Variants in SDK1 observed in about 807,000 individuals in gnomAD.
SDK1 encodes the protein protein sidekick-1.
In SDK1, 157 loss-of-function variants were observed where a neutral mutation model predicts 245.5. That is an observed-to-expected ratio of 0.64 (90% CI 0.56 to 0.73). The LOEUF (loss-of-function observed/expected upper bound fraction) is 0.73. SDK1 is among the 30% of genes least tolerant of loss of function. The probability of loss-of-function intolerance (pLI) is 0.00; values close to 1 mark genes in which losing one functional copy is unlikely to be tolerated. For missense variants in SDK1, 3,583 were observed against 3,002.3 expected, an observed-to-expected ratio of 1.19 and a Z score of -4.52; for synonymous variants, 1,647 against 1,278.5, an observed-to-expected ratio of 1.29 and a Z score of -6.15.
chr7:3,962,828 C>T lies in SDK1; in HGVS notation c.1406C>T (p.Thr469Ile). 1 of 1,612,882 alleles carries T rather than the reference C, an allele frequency of 6.2e-7. No individual in the cohort carries two copies. The highest frequency in any genetic ancestry group is 1.1e-5 in the South Asian group (1 of 90,952). ...FASNEGGEIQ[T>I]HTYLDVTNIA... Reference sequence around the variant, plus strand: ...AGCAATGAAGGAGGGGAGATCCAGACCCACACCTACCTGGATGTAACCAGT... The same window carrying T: ...AGCAATGAAGGAGGGGAGATCCAGATCCACACCTACCTGGATGTAACCAGT... The change falls in exon 9 of 45, where the codon ACC (threonine) becomes ATC (isoleucine). Residue 469 changes from threonine to isoleucine, a missense_variant. By Grantham distance (89) the Thr-to-Ile change is moderately conservative. Coordinates refer to ENST00000404826, the MANE Select transcript of SDK1 (RefSeq NM_152744.4).
At chr7:4,186,363 C>G (rs1782895218) in intron 35 of SDK1, among the ~76,000 whole-genome samples, 1 of 152,190 alleles carries the variant, frequency 6.6e-6, no homozygotes, top group Non-Finnish European at 1.5e-5. Flanking sequence ...ACCCCGGCTG[C>G]TGGGACCCCT....
intron 1 of SDK1, among the ~76,000 whole-genome samples, chr7:3,596,196 A>G (rs1219086144): frequency 6.6e-6 from 1 of 152,188 alleles, no homozygotes; most frequent in Admixed American, 6.5e-5. Context: ...TTCCAGGGGT[A>G]GTAACAGAAG....
chr7:3,464,304 G>A (rs1481755301), intron 1 of SDK1, among the ~76,000 whole-genome samples: 1 of 152,122 alleles, frequency 6.6e-6, no homozygotes, highest in Non-Finnish European at 1.5e-5. Context: ...CGGGAACATT[G>A]CTTGAGGCCG....
At chr7:4,123,260 G>A (rs1016632442) in intron 25 of SDK1, among the ~76,000 whole-genome samples, 17 of 152,128 alleles carry the variant, frequency 1.1e-4, no homozygotes, top group African/African-American at 3.4e-4. Context: ...TGGTACCAAC[G>A]TCTTGGGCAT....
At chr7:4,035,989 G>A (rs7791029) in intron 17 of SDK1, among the ~76,000 whole-genome samples, 47,617 of 152,032 alleles carry the variant, frequency 0.31, 11,675 homozygotes, top group African/African-American at 0.69. Flanking sequence ...AAACTTCCAA[G>A]TCAAAAATCT....
rs961355998 is a variant in SDK1 at position 4,127,458 on chromosome 7, C to A, written c.3901C>A (p.Pro1301Thr). 1 of 1,613,974 alleles carries A rather than the reference C, an allele frequency of 6.2e-7. No homozygotes were observed. Among genetic ancestry groups the A allele is most frequent in the Non-Finnish European group, 8.5e-7 (1 of 1,179,966 alleles). ...GATTTTACTGACATGGACATCCGTG[C>A]CGGAACAGGACCAGAATGGGCTCAT... ...TQILLTWTSV[P>T]EQDQNGLILG... is the part of the protein sequence containing the mutation. The change falls in exon 26 of 45, where the codon CCG (proline) becomes ACG (threonine). Residue 1301 changes from proline (P) to threonine (T), a missense_variant. Pro to Thr is a conservative substitution (Grantham distance 38). Coordinates refer to ENST00000404826, the MANE Select transcript of SDK1 (RefSeq NM_152744.4).
intron 41 of SDK1, among the ~76,000 whole-genome samples, chr7:4,237,092 A>G (rs553418101): frequency 2.0e-5 from 3 of 151,932 alleles, no homozygotes; most frequent in Admixed American, 6.5e-5. Context: ...GGGTCTTGCT[A>G]TGTTGCCCAG....
intron 4 of SDK1, among the ~76,000 whole-genome samples, chr7:3,676,389 A>C (rs1186747487): frequency 6.9e-6 from 1 of 143,946 alleles, no homozygotes; most frequent in South Asian, 2.2e-4. Context: ...GCAGTGGCGC[A>C]GTCTCAGCTC....
At chr7:3,367,059 G>C (rs1052172761) in intron 1 of SDK1, among the ~76,000 whole-genome samples, 1 of 152,156 alleles carries the variant, frequency 6.6e-6, no homozygotes. Context: ...TATTTCTAAA[G>C]AGGAAGGAAG....
In SDK1 at chr7:4,051,775, C is replaced by G. The variant is rs752230612; in HGVS notation, c.2856C>G (p.Thr952=). The G allele has an allele frequency of 6.2e-7, 1 of 1,613,916 alleles. No individual in the cohort carries two copies. The highest frequency in any genetic ancestry group is 2.2e-5 in the East Asian group (1 of 44,860). ...TAYFTSVLCF[T]TPGDGPPSTP... is the part of the protein sequence containing the mutation. ...ACTTCACTTCCGTTCTGTGCTTCAC[C>G]ACCCCTGGGGACGGGCCTCCCAGCA... The change falls in exon 19 of 45, where the codon ACC becomes ACG. Residue 952 remains threonine, a synonymous_variant. Coordinates refer to ENST00000404826, the MANE Select transcript of SDK1 (RefSeq NM_152744.4).
At chr7:3,580,968 CAAAAAA>C (rs60617574) in intron 1 of SDK1, among the ~76,000 whole-genome samples, 494 of 24,848 alleles carry the variant, frequency 0.02, 2 homozygotes, top group Middle Eastern at 0.05. Flanking sequence ...GACTCCATCT[CAAAAAA>C]AAAAAAAAAA....
chr7:3,624,401 G>T (rs774263116), intron 2 of SDK1, among the ~76,000 whole-genome samples: 26 of 152,074 alleles, frequency 1.7e-4, no homozygotes, highest in Non-Finnish European at 3.5e-4. Flanking sequence ...GTTGCACTGT[G>T]TTGCCTAGGC....
At chr7:3,779,223 T>C (rs1317749220) in intron 4 of SDK1, among the ~76,000 whole-genome samples, 1 of 152,202 alleles carries the variant, frequency 6.6e-6, no homozygotes, top group African/African-American at 2.4e-5. Flanking sequence ...AATACAGAGC[T>C]GGAGTTGGCC....
intron 1 of SDK1, among the ~76,000 whole-genome samples, chr7:3,317,447 C>G (rs1779690915): frequency 6.6e-6 from 1 of 152,090 alleles, no homozygotes; most frequent in Non-Finnish European, 1.5e-5. Context: ...TTTCCTTTCC[C>G]TGTTTCCTTT....
In SDK1 at chr7:4,205,901, C is replaced by T. The variant is rs975079534; in HGVS notation, c.5121C>T (p.Asn1707=). 16 of 1,556,432 alleles carry T rather than the reference C, an allele frequency of 1.0e-5. No homozygotes were observed. Among genetic ancestry groups the T allele is most frequent in the Non-Finnish European group, 1.3e-5 (15 of 1,149,498 alleles). Residue 1707 remains asparagine, a synonymous_variant, in exon 36 of 45, where the codon AAC becomes AAT. Coordinates refer to ENST00000404826, the MANE Select transcript of SDK1 (RefSeq NM_152744.4). ...CAGCCCCGGCCATGGCCCCGCAGAACGTGCAGGTGACCCCACTCACGGCCA... is the reference window on the plus strand; with the variant it reads ...CAGCCCCGGCCATGGCCCCGCAGAATGTGCAGGTGACCCCACTCACGGCCA... ...GEAAPAMAPQ[N]VQVTPLTASQ... is the part of the protein sequence containing the mutation.
At chr7:4,108,376 G>T (rs1289065090) in intron 22 of SDK1, among the ~76,000 whole-genome samples, 2 of 152,160 alleles carry the variant, frequency 1.3e-5, no homozygotes, top group African/African-American at 4.8e-5. Context: ...TCTGAAGTGA[G>T]GATTTGAGGG....
At chr7:3,772,235 G>A (rs1780424828) in intron 4 of SDK1, among the ~76,000 whole-genome samples, 1 of 151,192 alleles carries the variant, frequency 6.6e-6, no homozygotes, top group Non-Finnish European at 1.5e-5. Flanking sequence ...GTAGTGACAT[G>A]TTTGAATTTT....
chr7:4,071,566 A>G lies in SDK1; in HGVS notation c.3010+3630A>G, dbSNP rs192608638. On this transcript the variant is annotated intron_variant, in intron 20 of 44. Coordinates refer to ENST00000404826, the MANE Select transcript of SDK1 (RefSeq NM_152744.4). ...AAGGAATTAAGCAAAGGCAGGGGGA[A>G]CTGAGCAGGGGAGGGCACTATAGAC... 6.0e-4 allele frequency among the ~76,000 whole-genome samples: 92 copies of G among 152,356 alleles called. No homozygotes were observed. In the East Asian group the frequency reaches 0.017, roughly 28 times the overall value.
At chr7:3,703,551 G>C (rs1047595041) in intron 4 of SDK1, among the ~76,000 whole-genome samples, 1 of 152,154 alleles carries the variant, frequency 6.6e-6, no homozygotes, top group Non-Finnish European at 1.5e-5. Flanking sequence ...GGTGAAGTCA[G>C]CTACACATGT....
Sources: gnomAD v4.1 joint callset for allele counts (sites outside exome capture counted in the v4.1 genomes callset) on GRCh38, gnomAD v4.1.1 for gene constraint, MANE v1.5 for transcripts, NCBI Gene and HGNC (gene_info 2026-07-23, HGNC 2026-07-21) for gene names.